Variants in WDR7 observed in about 807,000 individuals in gnomAD.
WDR7 encodes the protein WD repeat-containing protein 7.
Under a neutral mutation model 169.4 loss-of-function variants are expected in WDR7, and 46 were observed. The observed-to-expected ratio is 0.27, with a 90% CI of 0.21 to 0.35. The LOEUF is 0.35. Among genes scored for constraint, WDR7 ranks in the 10% least tolerant of loss-of-function variants. The pLI, the probability that WDR7 is intolerant of heterozygous loss-of-function variation, is 1.00. For synonymous variants in WDR7, 612 were observed against 666.8 expected, an observed-to-expected ratio of 0.92 and a Z score of 1.27; for missense variants, 1,534 against 1,859.3, an observed-to-expected ratio of 0.83 and a Z score of 3.22.
chr18:56,696,200 A>G (rs541363490), intron 11 of WDR7, 42 bp from the exon 12 acceptor site: 3 of 1,516,520 alleles, frequency 2.0e-6, no homozygotes, highest in East Asian at 4.5e-5. Flanking sequence ...AACTTGGTAA[A>G]CCTTTAATTT....
In WDR7 at chr18:56,686,002, G is replaced by T; in HGVS notation, c.567G>T (p.Trp189Cys). 6.3e-7 allele frequency: 1 copy of T among 1,598,242 alleles called. No individual in the cohort carries two copies. Among genetic ancestry groups the T allele is most frequent in the South Asian group, 1.1e-5 (1 of 88,752 alleles). ...ALSVTGILKV[W>C]IVTSEISDMQ... ...CGGTGACTGGCATCCTGAAGGTCTGGATTGTTACCTCGGAAATAAGTGACA... is the reference window on the plus strand; with the variant it reads ...CGGTGACTGGCATCCTGAAGGTCTGTATTGTTACCTCGGAAATAAGTGACA... Residue 189 changes from tryptophan (W) to cysteine (C), a missense_variant, in exon 6 of 28, where the codon TGG becomes TGT. Trp to Cys is a radical substitution (Grantham distance 215). Transcript: ENST00000254442.
At chr18:57,032,806 TATA>T (rs1568036555), downstream of WDR7, 23 of 14,540 alleles carry the variant, frequency 1.6e-3, no homozygotes, top group African/African-American at 5.1e-3. Flanking sequence ...TTATTTTATA[TATA>T]TATATATATA....
chr18:56,797,886 T>C (rs987700069), intron 19 of WDR7, among the ~76,000 whole-genome samples: 1 of 152,214 alleles, frequency 6.6e-6, no homozygotes, highest in East Asian at 1.9e-4. Context: ...TTTCATTCAG[T>C]CATCTTCATC....
intron 19 of WDR7, among the ~76,000 whole-genome samples, chr18:56,789,498 C>G (rs2044452273): frequency 1.3e-5 from 2 of 152,212 alleles, no homozygotes; most frequent in African/African-American, 2.4e-5. Flanking sequence ...AACCCCATGA[C>G]AGTTTGCCAT....
intron 26 of WDR7, among the ~76,000 whole-genome samples, chr18:57,004,651 G>GC (rs1164594777): frequency 3.3e-5 from 5 of 152,174 alleles, no homozygotes; most frequent in African/African-American, 1.2e-4. Flanking sequence ...TTACCACATT[G>GC]CATACGGAAT....
In WDR7 at chr18:56,964,535, A is replaced by G. The variant is rs567438867; in HGVS notation, c.4164+2006A>G. Among the ~76,000 whole-genome samples, 4 of 151,940 alleles carry G rather than the reference A, an allele frequency of 2.6e-5. No individual in the cohort carries two copies. The South Asian group carries it at 8.3e-4, about 32-fold the overall frequency. On this transcript the variant is annotated intron_variant, in intron 26 of 27. Coordinates refer to ENST00000254442, the MANE Select transcript of WDR7 (RefSeq NM_015285.3). Reference sequence around the variant, plus strand: ...CGAGTAGTTGGGATTACAGGCGCACACCACCACACCTGGCTAATTTTTTTG... The same window carrying G: ...CGAGTAGTTGGGATTACAGGCGCACGCCACCACACCTGGCTAATTTTTTTG...
intron 12 of WDR7, among the ~76,000 whole-genome samples, chr18:56,697,616 C>T (rs1233435551): frequency 6.6e-6 from 1 of 151,992 alleles, no homozygotes; most frequent in Non-Finnish European, 1.5e-5. Context: ...ATTGTAATTA[C>T]ATTAATAAAT....
chr18:56,812,752 G>C (rs1394176612), intron 19 of WDR7, among the ~76,000 whole-genome samples: 2 of 152,148 alleles, frequency 1.3e-5, no homozygotes, highest in Admixed American at 1.3e-4. Flanking sequence ...AGCTCCAGGA[G>C]TGAGAATTTG....
At chr18:56,833,529 T>C (rs2045350104) in intron 20 of WDR7, among the ~76,000 whole-genome samples, 1 of 152,228 alleles carries the variant, frequency 6.6e-6, no homozygotes. Flanking sequence ...TAATATAAGC[T>C]AATTGGTACC....
chr18:56,719,579 A>C (rs1014906087), intron 13 of WDR7, among the ~76,000 whole-genome samples: 4 of 146,750 alleles, frequency 2.7e-5, no homozygotes, highest in African/African-American at 4.9e-5. Flanking sequence ...AAAAAAAAAA[A>C]CAGAATTGCT....
At chr18:56,675,376 T>C (rs964925562) in intron 2 of WDR7, among the ~76,000 whole-genome samples, 2 of 152,194 alleles carry the variant, frequency 1.3e-5, no homozygotes, top group Non-Finnish European at 2.9e-5. Flanking sequence ...TTTAGATCTT[T>C]AGTTTTTTTT....
intron 26 of WDR7, among the ~76,000 whole-genome samples, chr18:56,995,920 A>G (rs1328803635): frequency 1.7e-4 from 26 of 152,178 alleles, no homozygotes; most frequent in Admixed American, 1.6e-3. Context: ...TGTGCTATAC[A>G]TATAGAAGCT....
chr18:56,694,385 A>T (rs1255831713), intron 9 of WDR7, among the ~76,000 whole-genome samples: 3 of 152,188 alleles, frequency 2.0e-5, no homozygotes, highest in African/African-American at 7.2e-5. Flanking sequence ...AAAGGCTGTA[A>T]ATACAGTTTT....
At chr18:56,927,238 C>T (rs1308148642) in intron 22 of WDR7, among the ~76,000 whole-genome samples, 1 of 152,090 alleles carries the variant, frequency 6.6e-6, no homozygotes, top group Non-Finnish European at 1.5e-5. Flanking sequence ...TTGCCTCTCC[C>T]CCATGTCCCG....
intron 20 of WDR7, among the ~76,000 whole-genome samples, chr18:56,836,343 A>G (rs1039943742): frequency 6.6e-6 from 1 of 152,162 alleles, no homozygotes; most frequent in Non-Finnish European, 1.5e-5. Flanking sequence ...TGTTGCTGAC[A>G]ATGTAGGGCC....
At chr18:56,691,588 C>T in intron 8 of WDR7, 127 bp from the exon 9 acceptor site, 1 of 878,588 alleles carries the variant, frequency 1.1e-6, no homozygotes, top group Non-Finnish European at 1.6e-6. Context: ...TAATTTAATG[C>T]CTGCATTAAA....
chr18:56,816,983 T>C (rs2044983342), intron 20 of WDR7, among the ~76,000 whole-genome samples: 1 of 152,144 alleles, frequency 6.6e-6, no homozygotes, highest in African/African-American at 2.4e-5. Context: ...CCAGAAAATA[T>C]TAATTTAATA....
chr18:56,675,009 C>T (rs961306734), intron 2 of WDR7, among the ~76,000 whole-genome samples: 1 of 152,156 alleles, frequency 6.6e-6, no homozygotes, highest in Non-Finnish European at 1.5e-5. Flanking sequence ...TCTGGGCTCT[C>T]AATTCTATTT....
At chr18:56,886,871 A>G (rs769331841) in intron 21 of WDR7, among the ~76,000 whole-genome samples, 1 of 152,212 alleles carries the variant, frequency 6.6e-6, no homozygotes, top group Non-Finnish European at 1.5e-5. Context: ...AACAGCAGAA[A>G]GACAAAGAGG....
Sources: gnomAD v4.1 joint callset for allele counts (sites outside exome capture counted in the v4.1 genomes callset) on GRCh38, gnomAD v4.1.1 for gene constraint, MANE v1.5 for transcripts, NCBI Gene and HGNC (gene_info 2026-07-23, HGNC 2026-07-21) for gene names.